NAV3: variants seen among roughly 807,000 people sequenced by gnomAD.
NAV3 encodes neuron navigator 3.
In NAV3, 87 loss-of-function variants were observed where a neutral mutation model predicts 244.7. The ratio of observed to expected loss-of-function variants is 0.36; its 90% CI spans 0.30 to 0.42. The LOEUF is 0.42. Among genes scored for constraint, NAV3 ranks in the 20% least tolerant of loss-of-function variants. The pLI is 1.00. For missense variants in NAV3, 2,663 were observed against 2,893.3 expected, an observed-to-expected ratio of 0.92 and a Z score of 1.83; for synonymous variants, 1,126 against 1,042.2, an observed-to-expected ratio of 1.08 and a Z score of -1.55.
intron 31 of NAV3, 101 bp from the exon 32 acceptor site, chr12:78,188,147 T>C: frequency 1.2e-6 from 1 of 823,942 alleles, no homozygotes; most frequent in Non-Finnish European, 2.0e-6. Context: ...ACAAATAGTT[T>C]AGTCTTAACA....
intron 2 of NAV3, among the ~76,000 whole-genome samples, chr12:77,647,419 C>T (rs199974940): frequency 2.0e-5 from 3 of 151,948 alleles, no homozygotes; most frequent in East Asian, 1.9e-4. Context: ...TGAAACAGCT[C>T]TGTGCTACAA....
chr12:77,578,151 G>GA (rs753017868), intron 2 of NAV3, among the ~76,000 whole-genome samples: 7 of 152,218 alleles, frequency 4.6e-5, no homozygotes, highest in Admixed American at 1.3e-4. Context: ...CTGCAAAGTT[G>GA]AAAAAATCAA....
At chr12:77,788,048 G>A (rs548240941) in intron 2 of NAV3, among the ~76,000 whole-genome samples, 28 of 152,164 alleles carry the variant, frequency 1.8e-4, no homozygotes, top group Non-Finnish European at 2.9e-4. Flanking sequence ...CCAGTGTTGG[G>A]GTCTTGACTC....
chr12:78,056,678 G>A (rs889926729), intron 11 of NAV3, among the ~76,000 whole-genome samples: 3 of 151,294 alleles, frequency 2.0e-5, no homozygotes, highest in Admixed American at 6.6e-5. Context: ...GCAGTGAGCC[G>A]AGATCTCACC....
chr12:78,206,345 A>G (rs1378580005), intron 39 of NAV3, among the ~76,000 whole-genome samples: 2 of 152,178 alleles, frequency 1.3e-5, no homozygotes, highest in African/African-American at 4.8e-5. Context: ...AATTGTGAGC[A>G]TATACTAAAT....
intron 9 of NAV3, among the ~76,000 whole-genome samples, chr12:78,024,739 A>G (rs971806970): frequency 6.6e-6 from 1 of 152,122 alleles, no homozygotes; most frequent in African/African-American, 2.4e-5. Context: ...GCACTTTGGG[A>G]GGCCAAGGTG....
chr12:78,177,534 C>T, intron 27 of NAV3, 86 bp from the exon 28 acceptor site: 2 of 1,309,226 alleles, frequency 1.5e-6, no homozygotes, highest in South Asian at 1.3e-5. Flanking sequence ...GTTTCTTGAT[C>T]TCATTCTCCA....
intron 2 of NAV3, among the ~76,000 whole-genome samples, chr12:77,681,095 T>C (rs1037920793): frequency 6.6e-6 from 1 of 152,150 alleles, no homozygotes; most frequent in African/African-American, 2.4e-5. Context: ...TCTTTAGGGT[T>C]AGCAGCTTGA....
chr12:77,666,206 CA>C (rs1442437584), intron 2 of NAV3, among the ~76,000 whole-genome samples: 2 of 110,266 alleles, frequency 1.8e-5, no homozygotes, highest in Non-Finnish European at 3.5e-5. Context: ...TTTGTCTAGT[CA>C]GGGGTCTCTC....
chr12:78,135,283 A>G (rs1956326004), intron 18 of NAV3, among the ~76,000 whole-genome samples: 1 of 152,198 alleles, frequency 6.6e-6, no homozygotes, highest in Non-Finnish European at 1.5e-5. Context: ...ATTCAACTAC[A>G]ACATCTAAAA....
rs140686116 is a variant in NAV3, at chr12:78,151,620, G to A, written c.4785+2701G>A. ...AGAGAACAGATTAGTGATTGCTAAG[G>A]GCTAAGGATGAAGGAGAGAGAGAGG... On this transcript the variant is annotated intron_variant, in intron 22 of 39. Transcript: ENST00000397909. 7.4e-3 allele frequency among the ~76,000 whole-genome samples: 1,128 copies of A among 151,958 alleles called. 11 individuals are homozygous for A. Among genetic ancestry groups the A allele is most frequent in the Non-Finnish European group, 0.013 (850 of 67,914 alleles).
In NAV3 at chr12:78,180,891, A is replaced by G; in HGVS notation, c.5538A>G (p.Lys1846=). ...NRMQNEIEIL[K]AENDRLKAET... ...AACAGAATGAAATTGAAATACTGAA[A>G]GCTGAAAATGACCGGTTGAAGGCAG... The change falls in exon 30 of 40, where the codon AAA becomes AAG. Residue 1846 remains lysine, a synonymous_variant. Transcript: ENST00000397909. 6.2e-7 allele frequency: 1 copy of G among 1,612,424 alleles called. No individual in the cohort carries two copies.
intron 2 of NAV3, among the ~76,000 whole-genome samples, chr12:77,702,496 G>T (rs942525710): frequency 1.3e-5 from 2 of 151,778 alleles, no homozygotes; most frequent in African/African-American, 4.8e-5. Context: ...TATTAGTTTT[G>T]TATTTGTCTT....
chr12:78,040,080 C>T (rs907141208), intron 9 of NAV3, among the ~76,000 whole-genome samples: 1 of 151,988 alleles, frequency 6.6e-6, no homozygotes, highest in African/African-American at 2.4e-5. Context: ...TTGTGTTTTT[C>T]CCCCAAAGCC....
chr12:77,778,627 A>G lies in NAV3; in HGVS notation c.73-161692A>G, dbSNP rs181618520. On this transcript the variant is annotated intron_variant, in intron 2 of 8. Coordinates refer to the NAV3 transcript ENST00000550042. ...ACTCCGTCTCAGAAAAAAAAAAAAA[A>G]AAAAGAAAATGCATTTATATTAACA... 1.3e-3 allele frequency among the ~76,000 whole-genome samples: 194 copies of G among 152,072 alleles called. 1 individual carries two copies. Among genetic ancestry groups the G allele is most frequent in the African/African-American group, 4.5e-3 (185 of 41,528 alleles).
intron 2 of NAV3, among the ~76,000 whole-genome samples, chr12:77,583,930 C>A (rs1018643921): frequency 6.6e-6 from 1 of 152,212 alleles, no homozygotes; most frequent in African/African-American, 2.4e-5. Context: ...AAGTACAGTA[C>A]TACCTATCTT....
At chr12:77,608,225 A>G (rs1870757176) in intron 2 of NAV3, among the ~76,000 whole-genome samples, 1 of 152,122 alleles carries the variant, frequency 6.6e-6, no homozygotes, top group African/African-American at 2.4e-5. Flanking sequence ...TTGTCAAGAT[A>G]TGGACATACT....
intron 3 of NAV3, among the ~76,000 whole-genome samples, chr12:77,942,612 C>G (rs1889982048): frequency 1.3e-5 from 2 of 151,932 alleles, no homozygotes; most frequent in Admixed American, 1.3e-4. Flanking sequence ...TTACTGTGAA[C>G]AAGCCAAATC....
At chr12:78,017,382 A>G (rs1163284828) in intron 8 of NAV3, among the ~76,000 whole-genome samples, 1 of 152,124 alleles carries the variant, frequency 6.6e-6, no homozygotes, top group East Asian at 1.9e-4. Context: ...GAAGTGAGCT[A>G]TGGTTGCTTT....
Sources: allele counts gnomAD v4.1 joint callset (sites outside exome capture counted in the v4.1 genomes callset), GRCh38; gene constraint gnomAD v4.1.1; transcripts MANE v1.5; gene names NCBI Gene and HGNC (gene_info 2026-07-23, HGNC 2026-07-21).